DMXL1: variants seen among roughly 807,000 people sequenced by gnomAD.
DMXL1 encodes the protein dmX-like protein 1.
A neutral mutation model predicts 319.2 loss-of-function variants in DMXL1; 99 were observed. The observed-to-expected ratio is 0.31, with a 90% confidence interval of 0.26 to 0.37. The LOEUF (loss-of-function observed/expected upper bound fraction) is 0.37, where lower values mean the gene tolerates loss of function less well. DMXL1 is among the 10% of genes least tolerant of loss of function. The pLI is 1.00. For synonymous variants in DMXL1, 1,385 were observed against 1,235.2 expected, an observed-to-expected ratio of 1.12 and a Z score of -2.54; for missense variants, 3,745 against 3,595.6, an observed-to-expected ratio of 1.04 and a Z score of -1.06.
intron 9 of DMXL1, among the ~76,000 whole-genome samples, chr5:119,123,458 GAGAGGT>G (rs1024262439): frequency 1.4e-5 from 2 of 145,036 alleles, no homozygotes; most frequent in African/African-American, 5.1e-5. Flanking sequence ...GGGAGAGGAG[GAGAGGT>G]AGAGGGAGAG....
chr5:119,080,594 T>A (rs1751985373), intron 1 of DMXL1, among the ~76,000 whole-genome samples: 1 of 152,228 alleles, frequency 6.6e-6, no homozygotes, highest in African/African-American at 2.4e-5. Context: ...GTAATTTTAA[T>A]ATATTTCCAC....
chr5:119,081,295 G>A (rs1041867498), intron 1 of DMXL1, among the ~76,000 whole-genome samples: 1 of 152,086 alleles, frequency 6.6e-6, no homozygotes, highest in East Asian at 1.9e-4. Flanking sequence ...TTCTTGGAAG[G>A]CCTTAGGGTA....
intron 33 of DMXL1, among the ~76,000 whole-genome samples, chr5:119,204,703 C>A (rs1236575330): frequency 1.3e-5 from 2 of 151,964 alleles, no homozygotes; most frequent in Non-Finnish European, 2.9e-5. Flanking sequence ...GTAGTCAATT[C>A]TTTTTGTCTC....
chr5:119,103,012 G>GA (rs1464679288), intron 3 of DMXL1, among the ~76,000 whole-genome samples: 3 of 151,574 alleles, frequency 2.0e-5, no homozygotes, highest in Non-Finnish European at 4.4e-5. Context: ...ATTTGTACAA[G>GA]AAAATCCCTT....
rs148437234 is a variant in DMXL1, at chr5:119,141,421, A to G, written c.2377-2420A>G. On this transcript the variant is annotated intron_variant, in intron 13 of 43. Transcript: ENST00000539542. ...GTAAAGTTTCAGGATACAAAAATTAATGTAGAAGAAATGACTAGCATTCCT... is the reference window on the plus strand; with the variant it reads ...GTAAAGTTTCAGGATACAAAAATTAGTGTAGAAGAAATGACTAGCATTCCT... Among the ~76,000 whole-genome samples, 858 of 152,294 alleles carry G rather than the reference A, an allele frequency of 5.6e-3. 8 individuals are homozygous for G. Among genetic ancestry groups the G allele is most frequent in the African/African-American group, 0.02 (825 of 41,572 alleles).
chr5:119,132,479 G>A (rs1012511357), intron 10 of DMXL1, among the ~76,000 whole-genome samples: 4 of 152,094 alleles, frequency 2.6e-5, no homozygotes, highest in Non-Finnish European at 4.4e-5. Context: ...AGGAGTTCAA[G>A]ACCAGCTTGA....
chr5:119,220,166 C>T (rs1326999864), intron 35 of DMXL1, among the ~76,000 whole-genome samples: 1 of 152,114 alleles, frequency 6.6e-6, no homozygotes, highest in Non-Finnish European at 1.5e-5. Flanking sequence ...CTCCACATTT[C>T]TGAATTGTGC....
chr5:119,164,433 T>C (rs1446060015), intron 19 of DMXL1, 74 bp from the exon 20 acceptor site: 2 of 1,310,474 alleles, frequency 1.5e-6, no homozygotes, highest in East Asian at 5.1e-5. Flanking sequence ...ATTGAAAATA[T>C]GGAACATACA....
intron 28 of DMXL1, among the ~76,000 whole-genome samples, chr5:119,182,497 T>C (rs1173402811): frequency 3.9e-5 from 6 of 152,196 alleles, no homozygotes; most frequent in Non-Finnish European, 5.9e-5. Flanking sequence ...TTTGTTTTCC[T>C]TGTTCTGTTA....
At chr5:119,114,872 A>T (rs974515164) in intron 6 of DMXL1, among the ~76,000 whole-genome samples, 2 of 152,064 alleles carry the variant, frequency 1.3e-5, no homozygotes, top group Admixed American at 6.6e-5. Context: ...ATTTCACCAT[A>T]TTGGCCAGGC....
intron 2 of DMXL1, among the ~76,000 whole-genome samples, chr5:119,099,597 C>T (rs139956149): frequency 5.3e-5 from 8 of 152,244 alleles, no homozygotes; most frequent in African/African-American, 1.9e-4. Flanking sequence ...TAAAAACTTG[C>T]TTAATACCAT....
At chr5:119,230,700 G>A (rs973435805) in intron 38 of DMXL1, among the ~76,000 whole-genome samples, 39 of 152,214 alleles carry the variant, frequency 2.6e-4, no homozygotes, top group African/African-American at 8.7e-4. Flanking sequence ...GGCTAACATG[G>A]TAAAACCCCA....
intron 21 of DMXL1, among the ~76,000 whole-genome samples, chr5:119,165,678 G>A (rs1030087510): frequency 1.5e-4 from 23 of 152,188 alleles, no homozygotes; most frequent in Non-Finnish European, 4.4e-5. Context: ...CACAATCATG[G>A]CACAAGGTGA....
chr5:119,178,147 T>C lies in DMXL1; in HGVS notation c.7038T>C (p.Ile2346=), dbSNP rs148050244. 2.4e-4 allele frequency: 394 copies of C among 1,614,004 alleles called. 1 individual carries two copies. In the Admixed American group the frequency reaches 2.5e-3, roughly 10 times the overall value. ...ATHSSNELFR[I]VAHPLNEKMW... Reference sequence around the variant, plus strand: ...ATTCAAGTAATGAGCTATTTCGGATTGTGGCCCATCCTCTAAATGAGAAAA... The same window carrying C: ...ATTCAAGTAATGAGCTATTTCGGATCGTGGCCCATCCTCTAAATGAGAAAA... The change falls in exon 28 of 44, where the codon ATT becomes ATC. Residue 2346 remains isoleucine, a synonymous_variant. Transcript: ENST00000539542.
chr5:119,144,070 A>T, intron 14 of DMXL1, 140 bp downstream of exon 14: 2 of 543,276 alleles, frequency 3.7e-6, no homozygotes, highest in Non-Finnish European at 3.3e-6. Context: ...CACATAATAG[A>T]TAACATATTA....
intron 35 of DMXL1, among the ~76,000 whole-genome samples, chr5:119,219,160 C>T (rs986563772): frequency 6.6e-6 from 1 of 152,060 alleles, no homozygotes; most frequent in South Asian, 2.1e-4. Context: ...CAGAGAATGA[C>T]GGGAAGAGGG....
chr5:119,164,488 AT>A lies in DMXL1; in HGVS notation c.4703-13del. The A allele has an allele frequency of 6.2e-7, 1 of 1,602,684 alleles. No homozygotes were observed. Among genetic ancestry groups the A allele is most frequent in the Non-Finnish European group, 8.5e-7 (1 of 1,172,004 alleles). ...CATATTTATAATTCTTATAAACATC[AT>A]TTTTTACATTTCTTCAGGCCTGTCT... On this transcript the variant is annotated intron_variant, in intron 19 of 43. Transcript: ENST00000539542.
chr5:119,206,918 A>T (rs1286566170), intron 34 of DMXL1, 22 bp downstream of exon 34: 6 of 1,410,018 alleles, frequency 4.3e-6, no homozygotes, highest in Admixed American at 4.3e-5. Context: ...CATTCAACTG[A>T]AATTAAAAAT....
intron 43 of DMXL1, among the ~76,000 whole-genome samples, chr5:119,245,565 G>T (rs1333441440): frequency 6.7e-6 from 1 of 148,272 alleles, no homozygotes; most frequent in Non-Finnish European, 1.5e-5. Context: ...TTTTGAGACG[G>T]AGTCTTACTC....
Sources: gnomAD v4.1 joint callset for allele counts (sites outside exome capture counted in the v4.1 genomes callset) on GRCh38, gnomAD v4.1.1 for gene constraint, MANE v1.5 for transcripts, NCBI Gene and HGNC (gene_info 2026-07-23, HGNC 2026-07-21) for gene names.